Variants in RNF123 observed in about 807,000 individuals in gnomAD.
The protein encoded by RNF123 is E3 ubiquitin-protein ligase RNF123.
In RNF123, 86 loss-of-function variants were observed where a neutral mutation model predicts 168.5. The observed-to-expected ratio is 0.51, with a 90% CI of 0.43 to 0.61. The LOEUF (loss-of-function observed/expected upper bound fraction) is 0.61. RNF123 is among the 20% of genes least tolerant of loss of function. The pLI, the probability that RNF123 is intolerant of heterozygous loss-of-function variation, is 0.00. For missense variants in RNF123, 1,419 were observed against 1,729.7 expected (o/e 0.82, Z 3.19); for synonymous variants, 666 against 689.1 (o/e 0.97, Z 0.52).
rs896981473 is a variant in RNF123, at chr3:49,705,418, C to T, written c.2159-116C>T. The T allele has an allele frequency of 1.8e-5, 26 of 1,448,702 alleles. No homozygotes were observed. In the Admixed American group the frequency reaches 3.5e-4, roughly 20 times the overall value. 89.7% of individuals were successfully genotyped at this position (1,448,702 alleles called of 1,614,324 possible). ...TACCCCCATGCCCCCATGGGCTCCC[C>T]GCGGGTCCCTCCTTGGGCACAGGAA... is the stretch of plus-strand genomic sequence containing the variant. On this transcript the variant is annotated intron_variant, in intron 23 of 38. Coordinates refer to ENST00000327697, the MANE Select transcript of RNF123 (RefSeq NM_022064.5).
At chr3:49,694,453 C>A (rs2054229203) in intron 3 of RNF123, among the ~76,000 whole-genome samples, 1 of 152,174 alleles carries the variant, frequency 6.6e-6, no homozygotes, top group Non-Finnish European at 1.5e-5. Flanking sequence ...GTGGCCCATA[C>A]CAGTGCCCTA....
rs942228756 is a variant in RNF123 at position 49,699,941 on chromosome 3, C to T, written c.984+169C>T. On this transcript the variant is annotated intron_variant, in intron 12 of 38. Transcript: ENST00000327697. This position sits in a 1 kb window ranked among gnomAD's most constrained non-coding sequence, Gnocchi z 4.8. ...GACCTCAGTCAGTCCCCTAGGGAAA[C>T]AGGGACATTGCCAACCAAGGGCATC... The T allele has an allele frequency of 4.2e-6, 3 of 722,012 alleles. No homozygotes were observed. Among genetic ancestry groups the T allele is most frequent in the Non-Finnish European group, 6.9e-6 (3 of 436,486 alleles). The allele number at this position is 722,012 out of a possible 1,614,324, so 44.7% of individuals were successfully genotyped here. A position where few individuals can be genotyped will look rare whatever the true frequency, so the allele number is the denominator to read the frequency against.
Position 49,713,015 on chromosome 3 carries a change from C to G in RNF123, c.2674+359C>G, listed in dbSNP as rs1011165876. On this transcript the variant is annotated intron_variant, in intron 27 of 38. Coordinates refer to ENST00000327697, the MANE Select transcript of RNF123 (RefSeq NM_022064.5). ...CTGGTCACAAAGCGTAGCAGTTGGT[C>G]AGGGGCAGAATGGTTTGTCTTGGTA... 2.5e-5 allele frequency: 17 copies of G among 685,584 alleles called. No homozygotes were observed. The East Asian group carries it at 4.6e-4, about 19-fold the overall frequency. 42.5% of individuals were successfully genotyped at this position (685,584 alleles called of 1,614,324 possible).
chr3:49,691,337 G>T, intron 2 of RNF123, 88 bp from the exon 3 acceptor site: 4 of 1,588,906 alleles, frequency 2.5e-6, no homozygotes, highest in East Asian at 2.2e-5. Flanking sequence ...CCTGTGGCTG[G>T]CCTAGGACCA....
Position 49,720,666 on chromosome 3 carries a change from G to GTGGGGCAGGTCAGGGAAATC in RNF123, c.3643+20_3643+39dup, listed in dbSNP as rs1559694436. On this transcript the variant is annotated intron_variant, in intron 36 of 38. Transcript: ENST00000327697. ...TCCCTGCAGAGCTGTGAGTGGGCTG[G>GTGGGGCAGGTCAGGGAAATC]TGGGGCAGGTCAGGGAAATCTGGGG... 2 of 1,595,678 alleles carry GTGGGGCAGGTCAGGGAAATC rather than the reference G, an allele frequency of 1.3e-6. No individual in the cohort carries two copies. Among genetic ancestry groups the GTGGGGCAGGTCAGGGAAATC allele is most frequent in the Admixed American group, 3.4e-5 (2 of 59,398 alleles).
intron 35 of RNF123, 194 bp from the exon 36 acceptor site, chr3:49,720,317 G>GGA: frequency 5.8e-6 from 2 of 345,012 alleles, no homozygotes; most frequent in East Asian, 8.6e-5. Context: ...CTCGTCTCAA[G>GGA]AAAAAAAAAA....
intron 27 of RNF123, chr3:49,712,941 A>G (rs1012230461): frequency 1.4e-6 from 1 of 702,928 alleles, no homozygotes; most frequent in African/African-American, 1.7e-5. Context: ...GCTATGAGCA[A>G]CTGCCATGGT....
intron 26 of RNF123, among the ~76,000 whole-genome samples, chr3:49,709,152 G>A (rs960056210): frequency 6.0e-5 from 9 of 150,332 alleles, no homozygotes; most frequent in African/African-American, 2.2e-4. Flanking sequence ...TTTTTTTGAG[G>A]TGGAGTTTTG....
At chr3:49,708,850 T>C (rs1194752958) in intron 26 of RNF123, among the ~76,000 whole-genome samples, 1 of 152,262 alleles carries the variant, frequency 6.6e-6, no homozygotes, top group Non-Finnish European at 1.5e-5. Flanking sequence ...AATGCTGTAA[T>C]GAACATGGGT....
intron 26 of RNF123, among the ~76,000 whole-genome samples, chr3:49,708,766 G>A (rs191157788): frequency 1.2e-3 from 182 of 152,216 alleles, no homozygotes; most frequent in African/African-American, 4.2e-3. Context: ...TCTGTTGTAC[G>A]GACACCACAT....
At chr3:49,718,547 T>C in intron 35 of RNF123, 2 of 1,613,160 alleles carry the variant, frequency 1.2e-6, no homozygotes, top group Non-Finnish European at 1.7e-6. Context: ...GCAATGCGCA[T>C]GGCCGGGACG....
At chr3:49,718,868 C>T (rs1361515145) in intron 35 of RNF123, 5 of 1,613,330 alleles carry the variant, frequency 3.1e-6, no homozygotes, top group Non-Finnish European at 4.2e-6. Flanking sequence ...AGCTCAGGTA[C>T]GGAGATGTGT....
At chr3:49,696,229 G>T (rs1464981994) in intron 3 of RNF123, among the ~76,000 whole-genome samples, 3 of 152,224 alleles carry the variant, frequency 2.0e-5, no homozygotes, top group Non-Finnish European at 4.4e-5. Context: ...ACCTTTGAGA[G>T]CGGACAGGTT....
chr3:49,706,568 G>T (rs1288178164), intron 25 of RNF123, among the ~76,000 whole-genome samples: 1 of 152,244 alleles, frequency 6.6e-6, no homozygotes, highest in East Asian at 1.9e-4. Flanking sequence ...CAGACCCCCA[G>T]CTGGGCCTCA....
chr3:49,706,964 G>A (rs2108191275), intron 26 of RNF123, 66 bp downstream of exon 26: 1 of 1,372,348 alleles, frequency 7.3e-7, no homozygotes, highest in Admixed American at 1.7e-5. Context: ...GCAAGATTGT[G>A]CCAGGGCCCT....
intron 3 of RNF123, among the ~76,000 whole-genome samples, chr3:49,694,672 G>T (rs1323268176): frequency 6.6e-6 from 1 of 152,124 alleles, no homozygotes. Flanking sequence ...TGTCTTTTAC[G>T]ACTTCTGCCC....
At chr3:49,706,767 T>C in intron 25 of RNF123, 24 bp from the exon 26 acceptor site, 1 of 1,604,264 alleles carries the variant, frequency 6.2e-7, no homozygotes, top group Non-Finnish European at 8.5e-7. Context: ...GTCTTGATTG[T>C]CCTCCTTTCC....
At position 49,698,087 on chromosome 3, in the gene RNF123, G is replaced by C; in HGVS notation, c.433G>C (p.Gly145Arg). Reference protein sequence around the residue: ...WLYEVLISSQGLMQIGWCTIS... With the variant: ...WLYEVLISSQRLMQIGWCTIS... ...CTACGAGGTCCTCATCTCCTCCCAG[G>C]GGCTCATGCAGATCGGCTGGTGCAC... The change falls in exon 7 of 39, where the codon GGG (glycine) becomes CGG (arginine). Residue 145 changes from glycine to arginine, a missense_variant. By Grantham distance (125) the Gly-to-Arg change is moderately radical (BLOSUM62 -2). Coordinates refer to ENST00000327697, the MANE Select transcript of RNF123 (RefSeq NM_022064.5). The C allele has an allele frequency of 6.2e-7, 1 of 1,614,020 alleles. No individual in the cohort carries two copies. Among genetic ancestry groups the C allele is most frequent in the Non-Finnish European group, 8.5e-7 (1 of 1,179,978 alleles).
rs773389694 is a variant in RNF123 at position 49,712,598 on chromosome 3, C to G, written c.2616C>G (p.Asn872Lys). The stretch of plus-strand genomic sequence containing the variant: ...AGTTCTACCTGAGCGTGGCCATCAA[C>G]AGCTACAGTGCTCTCAAGAATTACT... ...MPEFYLSVAINSYSALKNYFG... is the reference protein window; with the variant it reads ...MPEFYLSVAIKSYSALKNYFG... Residue 872 changes from asparagine (N) to lysine (K), a missense_variant, in exon 27 of 39, where the codon AAC becomes AAG. Physicochemically the swap from Asn to Lys is moderately conservative, Grantham distance 94. Coordinates refer to ENST00000327697, the MANE Select transcript of RNF123 (RefSeq NM_022064.5). 6.2e-7 allele frequency: 1 copy of G among 1,614,230 alleles called. No individual in the cohort carries two copies.
Sources: gnomAD v4.1 joint callset for allele counts (sites outside exome capture counted in the v4.1 genomes callset) on GRCh38, gnomAD v4.1.1 for gene constraint, Gnocchi (gnomAD v3.1) non-coding constraint, MANE v1.5 for transcripts, NCBI Gene and HGNC (gene_info 2026-07-23, HGNC 2026-07-21) for gene names.